GPC3: variants seen among roughly 807,000 people sequenced by gnomAD.
The protein encoded by GPC3 is glypican 3.
A neutral mutation model predicts 34.4 loss-of-function variants in GPC3; 3 were observed. The ratio of observed to expected loss-of-function variants is 0.09; its 90% CI spans 0.04 to 0.23. The LOEUF (loss-of-function observed/expected upper bound fraction) is 0.23, where lower values mean the gene tolerates loss of function less well. Among genes scored for constraint, GPC3 ranks in the 10% least tolerant of loss-of-function variants. The probability of loss-of-function intolerance (pLI) is 1.00; values close to 1 mark genes in which losing one functional copy is unlikely to be tolerated. For missense variants in GPC3, 351 were observed against 445.6 expected (o/e 0.79, Z 1.91); for synonymous variants, 177 against 174.0 (o/e 1.02, Z -0.13).
intron 1 of GPC3, among the ~76,000 whole-genome samples, chrX:133,975,932 C>G (rs190887018): frequency 7.4e-4 from 83 of 111,705 alleles, no homozygotes; most frequent in African/African-American, 2.5e-3. Context: ...ATTCTCATTT[C>G]TATGGCACTC....
intron 2 of GPC3, among the ~76,000 whole-genome samples, chrX:133,899,266 G>A (rs2076133946): frequency 8.9e-6 from 1 of 111,867 alleles, no homozygotes; most frequent in African/African-American, 3.2e-5. Context: ...AGGACACAGA[G>A]CTGGGTGTAT....
intron 6 of GPC3, among the ~76,000 whole-genome samples, chrX:133,625,577 G>T (rs746928207): frequency 9.0e-6 from 1 of 111,684 alleles, no homozygotes; most frequent in East Asian, 2.8e-4. Context: ...TTGCTACAAA[G>T]AGAATAAAAT....
At chrX:133,968,333 C>T (rs2076473828) in intron 1 of GPC3, among the ~76,000 whole-genome samples, 1 of 112,282 alleles carries the variant, frequency 8.9e-6, no homozygotes, top group Non-Finnish European at 1.9e-5. Context: ...GAATCCCTAG[C>T]ATCTCACACA....
chrX:133,948,497 C>T (rs746129209), intron 2 of GPC3, among the ~76,000 whole-genome samples: 2 of 111,452 alleles, frequency 1.8e-5, no homozygotes, highest in East Asian at 2.8e-4. Flanking sequence ...AGCAAGCTTG[C>T]CAATACTGAG....
At chrX:133,557,242 C>T (rs1004596082) in intron 7 of GPC3, among the ~76,000 whole-genome samples, 11 of 110,642 alleles carry the variant, frequency 9.9e-5, no homozygotes, top group Non-Finnish European at 1.9e-4. Context: ...TGCAGTGAGC[C>T]GAGATCACGC....
chrX:133,971,380 T>C (rs933647562), intron 1 of GPC3, among the ~76,000 whole-genome samples: 1 of 111,796 alleles, frequency 8.9e-6, no homozygotes, highest in Non-Finnish European at 1.9e-5. Flanking sequence ...TATCTCAAGA[T>C]AAGTAAACCA....
intron 2 of GPC3, among the ~76,000 whole-genome samples, chrX:133,852,717 A>G (rs536537410): frequency 9.0e-6 from 1 of 111,381 alleles, no homozygotes; most frequent in Middle Eastern, 4.6e-3. Flanking sequence ...TTCCAACAGC[A>G]GCACACACGC....
intron 2 of GPC3, among the ~76,000 whole-genome samples, chrX:133,791,360 G>A (rs377192976): frequency 9.0e-6 from 1 of 111,525 alleles, no homozygotes; most frequent in East Asian, 2.8e-4. Context: ...CATTAGTGCA[G>A]GTAGATGCCG....
chrX:133,956,266 G>A (rs962220124), intron 1 of GPC3, among the ~76,000 whole-genome samples: 1 of 112,288 alleles, frequency 8.9e-6, no homozygotes, highest in Non-Finnish European at 1.9e-5. Context: ...ACAAGCCTTA[G>A]ACTGATTTTC....
chrX:133,852,924 T>C (rs553322431), intron 2 of GPC3, among the ~76,000 whole-genome samples: 1 of 95,208 alleles, frequency 1.1e-5, no homozygotes, highest in Non-Finnish European at 2.0e-5. Context: ...GGAGAAAGTT[T>C]CAAAAGAAGA....
At chrX:133,633,558 T>C (rs2070387363) in intron 6 of GPC3, among the ~76,000 whole-genome samples, 1 of 110,993 alleles carries the variant, frequency 9.0e-6, no homozygotes, top group African/African-American at 3.3e-5. Context: ...GTGGAAAGAG[T>C]AGAGGATTTG....
chrX:133,897,141 C>T (rs2076119425), intron 2 of GPC3, among the ~76,000 whole-genome samples: 1 of 107,594 alleles, frequency 9.3e-6, no homozygotes, highest in East Asian at 3.0e-4. Flanking sequence ...CTCCGGACCT[C>T]ATGATCCGCC....
chrX:133,593,994 G>A (rs1026354637), intron 7 of GPC3, among the ~76,000 whole-genome samples: 4 of 111,256 alleles, frequency 3.6e-5, no homozygotes, highest in Non-Finnish European at 7.5e-5. Context: ...TACTTGGGAG[G>A]TTGAGGCAGG....
At chrX:133,926,382 G>A (rs1458639591) in intron 2 of GPC3, among the ~76,000 whole-genome samples, 1 of 111,774 alleles carries the variant, frequency 8.9e-6, no homozygotes, top group Non-Finnish European at 1.9e-5. Context: ...GGGGTGAAGG[G>A]AGTCAAATGG....
intron 1 of GPC3, among the ~76,000 whole-genome samples, chrX:133,954,937 T>C: frequency 9.1e-6 from 1 of 109,303 alleles, no homozygotes; most frequent in South Asian, 4.0e-4. Flanking sequence ...TTAGTAGAGA[T>C]GGGGTTTCGC....
At chrX:133,763,373 G>A (rs1766212397) in intron 2 of GPC3, 2 of 540,955 alleles carry the variant, frequency 3.7e-6, no homozygotes, top group African/African-American at 4.5e-5. Context: ...TCCTGCAAAC[G>A]CCTGTGGGAG....
intron 6 of GPC3, among the ~76,000 whole-genome samples, chrX:133,657,898 C>CAGAGAG (rs749162174): frequency 0.018 from 1,527 of 85,501 alleles, 41 homozygotes; most frequent in East Asian, 0.054. Flanking sequence ...GGCATACATG[C>CAGAGAG]AGAGAGAGAG....
At chrX:133,957,040 A>C (rs936890660) in intron 1 of GPC3, among the ~76,000 whole-genome samples, 2 of 111,992 alleles carry the variant, frequency 1.8e-5, no homozygotes, top group African/African-American at 6.5e-5. Context: ...AAAATCTTTA[A>C]AAGAATAAAA....
At position 133,788,088 on chromosome X, in the gene GPC3, TTATATATATATATA is replaced by T. The variant is rs56318773; in HGVS notation, c.338-33926_338-33913del. Among the ~76,000 whole-genome samples the T allele has an allele frequency of 9.1e-3, 589 of 64,914 alleles. 7 individuals are homozygous for T. Among genetic ancestry groups the T allele is most frequent in the Middle Eastern group, 0.036 (4 of 112 alleles). 56.4% of individuals were successfully genotyped at this position (64,914 alleles called of 115,157 possible). Reference sequence around the variant, plus strand: ...TATAATATAAAGATATCATATTATTTTATATATATATATATATATATATATATATATATATGTAT... The same window carrying T: ...TATAATATAAAGATATCATATTATTTTATATATATATATATATATATGTAT... On this transcript the variant is annotated intron_variant, in intron 2 of 7. Transcript: ENST00000370818.
Sources: gnomAD v4.1 joint callset for allele counts (sites outside exome capture counted in the v4.1 genomes callset) on GRCh38, gnomAD v4.1.1 for gene constraint, MANE v1.5 for transcripts, NCBI Gene and HGNC (gene_info 2026-07-23, HGNC 2026-07-21) for gene names.